ICA1L: variants seen among roughly 807,000 people sequenced by gnomAD.
ICA1L encodes the protein islet cell autoantigen 1 like.
ICA1L carries 50 observed loss-of-function variants against 61.3 expected under a neutral mutation model. The ratio of observed to expected loss-of-function variants is 0.82; its 90% CI spans 0.65 to 1.03. The LOEUF is 1.03. Among genes scored for constraint, ICA1L ranks in the 50% least tolerant of loss-of-function variants. ICA1L has a pLI of 0.00. For synonymous variants in ICA1L, 161 were observed against 191.3 expected (o/e 0.84, Z 1.31); for missense variants, 508 against 556.7 (o/e 0.91, Z 0.88).
At chr2:202,793,499 A>T (rs1216093186) in intron 10 of ICA1L, among the ~76,000 whole-genome samples, 6,775 of 123,764 alleles carry the variant, frequency 0.055, 298 homozygotes, top group Non-Finnish European at 0.075. Context: ...TCTACTAAAA[A>T]AAAAAAAAAA....
chr2:202,857,762 C>T (rs539077003), intron 1 of ICA1L, among the ~76,000 whole-genome samples: 1 of 152,138 alleles, frequency 6.6e-6, no homozygotes, highest in Non-Finnish European at 1.5e-5. Flanking sequence ...CTACAAGGAA[C>T]TTAAACAAAT....
chr2:202,782,645 G>A (rs1574320899), intron 12 of ICA1L, among the ~76,000 whole-genome samples: 1 of 152,116 alleles, frequency 6.6e-6, no homozygotes, highest in East Asian at 1.9e-4. Flanking sequence ...CTGACCTCGT[G>A]ATCTGCCCAC....
intron 12 of ICA1L, among the ~76,000 whole-genome samples, chr2:202,781,007 C>T (rs951519841): frequency 6.6e-6 from 1 of 152,138 alleles, no homozygotes; most frequent in South Asian, 2.1e-4. Flanking sequence ...TACCTGACCT[C>T]CTTCATGCAG....
At chr2:202,839,174 C>G (rs539507668) in intron 1 of ICA1L, among the ~76,000 whole-genome samples, 32 of 152,204 alleles carry the variant, frequency 2.1e-4, no homozygotes, top group African/African-American at 7.5e-4. Context: ...CTTTTTCCAT[C>G]CTTTCAGTTA....
chr2:202,794,158 A>G (rs1260515219), intron 10 of ICA1L, among the ~76,000 whole-genome samples: 2 of 151,316 alleles, frequency 1.3e-5, no homozygotes, highest in African/African-American at 2.4e-5. Flanking sequence ...AATTGCTGAC[A>G]TAGATACTGA....
intron 2 of ICA1L, 66 bp from the exon 3 acceptor site, chr2:202,825,833 C>A: frequency 1.1e-6 from 1 of 897,342 alleles, no homozygotes; most frequent in Non-Finnish European, 1.6e-6. Flanking sequence ...ATAAGCACCC[C>A]AAAAGCATAA....
chr2:202,839,112 CTGATA>C (rs1307753868), intron 1 of ICA1L, among the ~76,000 whole-genome samples: 2 of 152,118 alleles, frequency 1.3e-5, no homozygotes, highest in Non-Finnish European at 2.9e-5. Context: ...TGTACTGCAC[CTGATA>C]TAATTATATC....
rs180826765 is a variant in ICA1L at position 202,773,210 on chromosome 2, A to G, written c.*6323T>C. 1 of 152,358 alleles carries G rather than the reference A, an allele frequency of 6.6e-6. No individual in the cohort carries two copies. Among genetic ancestry groups the G allele is most frequent in the Non-Finnish European group, 1.5e-5 (1 of 68,046 alleles). 9.4% of individuals were successfully genotyped at this position (152,358 alleles called of 1,614,324 possible). ...CTAATATAAGCATTTAATGTCAAAGAAATGAAGGTAATTTTACAAACTAAA... is the reference window on the plus strand; with the variant it reads ...CTAATATAAGCATTTAATGTCAAAGGAATGAAGGTAATTTTACAAACTAAA... On this transcript the variant is annotated 3_prime_UTR_variant, in exon 13 of 13. Coordinates refer to ENST00000358299, the MANE Select transcript of ICA1L (RefSeq NM_001288622.3).
At chr2:202,864,829 G>T in intron 1 of ICA1L, among the ~76,000 whole-genome samples, 1 of 152,044 alleles carries the variant, frequency 6.6e-6, no homozygotes, top group East Asian at 1.9e-4. Context: ...GAGGAGCCTG[G>T]CCAACATGGT....
chr2:202,853,967 C>T (rs1373823219), intron 1 of ICA1L, among the ~76,000 whole-genome samples: 1 of 152,064 alleles, frequency 6.6e-6, no homozygotes, highest in South Asian at 2.1e-4. Context: ...AATGATACTA[C>T]GAAGAAACTG....
intron 1 of ICA1L, among the ~76,000 whole-genome samples, chr2:202,839,558 C>G (rs1401297859): frequency 1.0e-4 from 12 of 114,430 alleles, no homozygotes; most frequent in East Asian, 5.3e-4. Flanking sequence ...ACAGTTAAGT[C>G]TGTGTGTGTG....
chr2:202,796,797 C>T (rs767521125), intron 10 of ICA1L, 93 bp downstream of exon 10: 144 of 701,484 alleles, frequency 2.1e-4, no homozygotes, highest in Middle Eastern at 4.1e-4. Context: ...TATGTAGAGA[C>T]CCAGACAGTT....
At position 202,849,560 on chromosome 2, in the gene ICA1L, T is replaced by C. The variant is rs528736841; in HGVS notation, c.-7-20544A>G. ...TCACCACAGTGCGGGAAAGTGGCTA[T>C]GGCCAGACTGCCTCTCTAGACTCCT... On this transcript the variant is annotated intron_variant, in intron 1 of 12. Coordinates refer to ENST00000358299, the MANE Select transcript of ICA1L (RefSeq NM_001288622.3). The surrounding 1 kb of genome is among the most constrained non-coding windows in gnomAD (Gnocchi z 4.5). 8.7e-4 allele frequency among the ~76,000 whole-genome samples: 133 copies of C among 152,332 alleles called. No homozygotes were observed. The highest frequency in any genetic ancestry group is 3.2e-3 in the African/African-American group (132 of 41,588).
At chr2:202,840,433 G>A in intron 1 of ICA1L, 1 of 493,000 alleles carries the variant, frequency 2.0e-6, no homozygotes, top group Non-Finnish European at 4.0e-6. Context: ...GGCTGAAGGA[G>A]ATGGAGCCCA....
chr2:202,776,356 A>G lies in ICA1L; in HGVS notation c.*3177T>C, dbSNP rs1692222408. On this transcript the variant is annotated 3_prime_UTR_variant, in exon 13 of 13. Transcript: ENST00000358299. ...AACACATTTTTATCCAGTATAACAT[A>G]AAGTATAGATATTTCTCCCCATTTA... 6.6e-6 allele frequency: 1 copy of G among 152,124 alleles called. No individual in the cohort carries two copies. The highest frequency in any genetic ancestry group is 2.1e-4 in the South Asian group (1 of 4,824). 9.4% of individuals were successfully genotyped at this position (152,124 alleles called of 1,614,324 possible). A position where few individuals can be genotyped will look rare whatever the true frequency, so the allele number is the denominator to read the frequency against.
rs578099551 is a variant in ICA1L, at chr2:202,814,694, C to T, written c.866+8G>A. 2.0e-5 allele frequency: 32 copies of T among 1,596,040 alleles called. 1 individual carries two copies. The East Asian group carries it at 5.4e-4, about 27-fold the overall frequency. ...ATAACATGACACAGATGACTTATGC[C>T]TGCTTACTTATTGAGCTGTTCAGTA... On this transcript the variant is annotated splice_region_variant and intron_variant, in intron 8 of 12. Coordinates refer to ENST00000358299, the MANE Select transcript of ICA1L (RefSeq NM_001288622.3).
At position 202,781,208 on chromosome 2, in the gene ICA1L, T is replaced by G. The variant is rs1005356886; in HGVS notation, c.1334-1560A>C. Among the ~76,000 whole-genome samples the G allele has an allele frequency of 1.6e-4, 24 of 152,048 alleles. 1 individual carries two copies. Among genetic ancestry groups the G allele is most frequent in the Admixed American group, 5.9e-4 (9 of 15,276 alleles). On this transcript the variant is annotated intron_variant, in intron 12 of 12. Transcript: ENST00000358299. ...TAACAAGCAGAAAATGAATTCTATA[T>G]AGAGAGAAAAAGCCCAAATTAAACA...
intron 11 of ICA1L, chr2:202,786,758 T>C: frequency 2.2e-6 from 1 of 453,166 alleles, no homozygotes; most frequent in Non-Finnish European, 4.4e-6. Context: ...CATGATTTTT[T>C]TTTTTTTGCA....
intron 12 of ICA1L, among the ~76,000 whole-genome samples, chr2:202,785,417 T>C (rs180856419): frequency 6.6e-6 from 1 of 152,042 alleles, no homozygotes; most frequent in East Asian, 1.9e-4. Context: ...AAGCTCACAG[T>C]TTCTTTCTTT....
Sources: gnomAD v4.1 joint callset for allele counts (sites outside exome capture counted in the v4.1 genomes callset) on GRCh38, gnomAD v4.1.1 for gene constraint, Gnocchi (gnomAD v3.1) non-coding constraint, MANE v1.5 for transcripts, NCBI Gene and HGNC (gene_info 2026-07-23, HGNC 2026-07-21) for gene names.